Variants in OPCML observed in about 807,000 individuals in gnomAD.
The protein encoded by OPCML is opioid binding protein/cell adhesion molecule like.
A neutral mutation model predicts 37.8 loss-of-function variants in OPCML; 13 were observed. The observed-to-expected ratio is 0.34, with a 90% confidence interval of 0.22 to 0.55. The LOEUF (loss-of-function observed/expected upper bound fraction) is 0.55. Ranked by LOEUF, OPCML falls within the 20% of genes least tolerant of loss-of-function variation. The pLI is 0.91. For missense variants in OPCML, 341 were observed against 435.6 expected (o/e 0.78, Z 1.93); for synonymous variants, 176 against 168.8 (o/e 1.04, Z -0.33).
chr11:132,472,495 T>C (rs1334350962), intron 4 of OPCML, among the ~76,000 whole-genome samples: 2 of 152,202 alleles, frequency 1.3e-5, no homozygotes, highest in Admixed American at 1.3e-4. Context: ...ATAATCATCA[T>C]AGAGGGAGAA....
At chr11:132,646,803 T>C (rs1941173310) in intron 3 of OPCML, among the ~76,000 whole-genome samples, 1 of 152,156 alleles carries the variant, frequency 6.6e-6, no homozygotes, top group Non-Finnish European at 1.5e-5. Context: ...TTAAGATTCC[T>C]AAGGGATACC....
At chr11:132,454,068 G>A (rs1005676838) in intron 4 of OPCML, among the ~76,000 whole-genome samples, 3 of 152,174 alleles carry the variant, frequency 2.0e-5, no homozygotes, top group Non-Finnish European at 4.4e-5. Flanking sequence ...TGCCTACTAT[G>A]TGCACAACAC....
intron 2 of OPCML, among the ~76,000 whole-genome samples, chr11:132,741,381 C>T (rs1033025085): frequency 3.3e-5 from 5 of 152,262 alleles, no homozygotes; most frequent in Middle Eastern, 3.4e-3. Flanking sequence ...ATTTTTGACA[C>T]TTTAGGATAT....
chr11:132,849,565 G>A (rs1292412123), intron 2 of OPCML, among the ~76,000 whole-genome samples: 1 of 152,202 alleles, frequency 6.6e-6, no homozygotes, highest in Non-Finnish European at 1.5e-5. Context: ...GGAGGGCCAG[G>A]ATGATGAAGA....
At chr11:132,839,313 G>T (rs1018935362) in intron 2 of OPCML, among the ~76,000 whole-genome samples, 2 of 152,174 alleles carry the variant, frequency 1.3e-5, no homozygotes, top group Non-Finnish European at 1.5e-5. Flanking sequence ...GCAGAGAGGA[G>T]CGACAGGGGA....
intron 3 of OPCML, among the ~76,000 whole-genome samples, chr11:132,628,087 A>T (rs893014968): frequency 1.3e-5 from 2 of 152,138 alleles, no homozygotes; most frequent in African/African-American, 4.8e-5. Flanking sequence ...CAGTGTTTAA[A>T]GATTAGACTG....
chr11:133,029,842 G>A (rs954882234), intron 1 of OPCML, among the ~76,000 whole-genome samples: 2 of 133,454 alleles, frequency 1.5e-5, no homozygotes, highest in African/African-American at 2.9e-5. Flanking sequence ...ACCTGCACAC[G>A]CACCTAATGA....
intron 1 of OPCML, among the ~76,000 whole-genome samples, chr11:133,530,453 G>A (rs571047287): frequency 2.0e-5 from 3 of 152,262 alleles, no homozygotes; most frequent in Non-Finnish European, 4.4e-5. Flanking sequence ...TGAGAGGAGG[G>A]GAAGCGGGTA....
Position 132,535,378 on chromosome 11 carries a change from C to G in OPCML, c.380-6192G>C, listed in dbSNP as rs546907871. ...CTAGAAGGAACAGGGTACAGGACAT[C>G]AGCACCATGTCCTGCCCAGCCAGGA... On this transcript the variant is annotated intron_variant, in intron 3 of 7. Transcript: ENST00000524381. Among the ~76,000 whole-genome samples, 4 of 152,194 alleles carry G rather than the reference C, an allele frequency of 2.6e-5. No homozygotes were observed. The South Asian group carries it at 8.3e-4, about 32-fold the overall frequency.
chr11:132,591,945 G>A (rs758577819), intron 3 of OPCML, among the ~76,000 whole-genome samples: 8 of 152,170 alleles, frequency 5.3e-5, no homozygotes, highest in African/African-American at 9.7e-5. Flanking sequence ...GCAATCAAAC[G>A]TGATATACTC....
At chr11:132,598,335 T>A (rs1224812720) in intron 3 of OPCML, among the ~76,000 whole-genome samples, 1 of 152,164 alleles carries the variant, frequency 6.6e-6, no homozygotes. Context: ...TATCTTTGCA[T>A]TGTGACCCCT....
intron 1 of OPCML, among the ~76,000 whole-genome samples, chr11:133,388,804 G>A (rs545067484): frequency 6.6e-6 from 1 of 152,316 alleles, no homozygotes; most frequent in Admixed American, 6.5e-5. Context: ...GAGGCTGAAT[G>A]TGATGGTATG....
intron 1 of OPCML, among the ~76,000 whole-genome samples, chr11:133,146,103 C>T (rs1328598852): frequency 2.0e-5 from 3 of 152,100 alleles, no homozygotes; most frequent in East Asian, 3.9e-4. Flanking sequence ...GCTTACTGTG[C>T]CTGTACTGTG....
intron 1 of OPCML, among the ~76,000 whole-genome samples, chr11:133,234,927 G>A (rs577946085): frequency 1.3e-5 from 2 of 152,254 alleles, no homozygotes; most frequent in African/African-American, 4.8e-5. Context: ...TGGTGCGGAT[G>A]GTCTGTTGGC....
At chr11:132,743,813 A>G (rs1307969816) in intron 2 of OPCML, among the ~76,000 whole-genome samples, 3 of 152,178 alleles carry the variant, frequency 2.0e-5, no homozygotes, top group Non-Finnish European at 4.4e-5. Flanking sequence ...AAAGTTTCCC[A>G]TTATATCACA....
At chr11:132,532,032 G>C (rs180756145) in intron 3 of OPCML, among the ~76,000 whole-genome samples, 204 of 152,222 alleles carry the variant, frequency 1.3e-3, no homozygotes, top group African/African-American at 4.6e-3. Context: ...ATAGAACTCA[G>C]CACAGCCACC....
intron 3 of OPCML, among the ~76,000 whole-genome samples, chr11:132,651,855 C>T (rs1210455050): frequency 2.0e-5 from 3 of 152,178 alleles, no homozygotes; most frequent in East Asian, 1.9e-4. Flanking sequence ...ATTTCCAGCC[C>T]TTTGCATAAA....
chr11:133,187,350 T>C (rs1244937434), intron 1 of OPCML, among the ~76,000 whole-genome samples: 2 of 152,078 alleles, frequency 1.3e-5, no homozygotes, highest in African/African-American at 4.8e-5. Flanking sequence ...GCTCCAGCTC[T>C]GGCAGGAATT....
intron 2 of OPCML, among the ~76,000 whole-genome samples, chr11:132,774,594 C>T (rs1946750239): frequency 6.6e-6 from 1 of 152,196 alleles, no homozygotes. Flanking sequence ...CTCAAAGGGG[C>T]TGCATGAGCA....
Sources: allele counts gnomAD v4.1 joint callset (sites outside exome capture counted in the v4.1 genomes callset), GRCh38; gene constraint gnomAD v4.1.1; transcripts MANE v1.5; gene names NCBI Gene and HGNC (gene_info 2026-07-23, HGNC 2026-07-21).